Variants in NXT2 observed in about 807,000 individuals in gnomAD.
NXT2 encodes the protein NTF2-related export protein 2.
Under a neutral mutation model 9.6 loss-of-function variants are expected in NXT2, and 1 was observed. That is an observed-to-expected ratio of 0.10 (90% confidence interval 0.04 to 0.49). The LOEUF (loss-of-function observed/expected upper bound fraction) is 0.49. Among genes scored for constraint, NXT2 ranks in the 20% least tolerant of loss-of-function variants. NXT2 has a pLI of 0.95. For missense variants in NXT2, 48 were observed against 100.3 expected, an observed-to-expected ratio of 0.48 and a Z score of 2.23; for synonymous variants, 22 against 35.4, an observed-to-expected ratio of 0.62 and a Z score of 1.34.
chrX:109,544,201 TGTTTC>T lies in NXT2; in HGVS notation c.*1514_*1518del, dbSNP rs1177518461. 1 of 112,701 alleles carries T rather than the reference TGTTTC, an allele frequency of 8.9e-6. No homozygotes were observed. Among genetic ancestry groups the T allele is most frequent in the African/African-American group, 3.2e-5 (1 of 31,001 alleles). 9.3% of individuals were successfully genotyped at this position (112,701 alleles called of 1,213,427 possible). On this transcript the variant is annotated 3_prime_UTR_variant, in exon 4 of 4. Transcript: ENST00000372106. ...TTGTTTCTACATTGCAACCAAAAAC[TGTTTC>T]TTTTCACTTAATTATAAAACCAGTA...
chrX:109,537,257 G>A, intron 1 of NXT2: 2 of 1,004,798 alleles, frequency 2.0e-6, no homozygotes, highest in Non-Finnish European at 2.5e-6. Flanking sequence ...ATAGCGAGAG[G>A]CGGGGATGTT....
At chrX:109,541,794 T>C (rs1190934173) in intron 3 of NXT2, among the ~76,000 whole-genome samples, 175 bp downstream of exon 3, 1 of 112,439 alleles carries the variant, frequency 8.9e-6, no homozygotes, top group African/African-American at 3.2e-5. Flanking sequence ...TCAGATTCTT[T>C]CCACTAGTAG....
intron 2 of NXT2, 63 bp from the exon 3 acceptor site, chrX:109,541,412 T>C: frequency 9.9e-7 from 1 of 1,005,733 alleles, no homozygotes; most frequent in East Asian, 3.2e-5. Context: ...TTAATCCATT[T>C]CTATAAAATG....
chrX:109,538,482 A>G (rs1185562066), intron 2 of NXT2, among the ~76,000 whole-genome samples: 2 of 111,687 alleles, frequency 1.8e-5, no homozygotes, highest in Non-Finnish European at 3.8e-5. Flanking sequence ...TCCATCAATT[A>G]ACCAATATGG....
In NXT2 at chrX:109,539,966, G is replaced by T. The variant is rs185160107; in HGVS notation, c.103-1509G>T. Among the ~76,000 whole-genome samples the T allele has an allele frequency of 2.3e-3, 252 of 111,577 alleles. 1 individual carries two copies. Among genetic ancestry groups the T allele is most frequent in the African/African-American group, 7.9e-3 (241 of 30,699 alleles). ...ATTGCCTAGGTTTATGGTTTTGGGT[G>T]TTACGTTTAAGTGTTTAATCCATCT... On this transcript the variant is annotated intron_variant, in intron 2 of 3. Transcript: ENST00000372106.
chrX:109,537,946 C>T (rs1215618731), intron 1 of NXT2, 99 bp from the exon 2 acceptor site: 1 of 548,088 alleles, frequency 1.8e-6, no homozygotes, highest in Non-Finnish European at 3.2e-6. Context: ...TATAGAGCTA[C>T]ATAGTGGTTG....
intron 3 of NXT2, 71 bp downstream of exon 3, chrX:109,541,690 C>T (rs996792601): frequency 1.0e-5 from 9 of 867,411 alleles, no homozygotes; most frequent in Non-Finnish European, 1.4e-5. Context: ...ACACCAAAAG[C>T]AGCGAGAAAC....
intron 2 of NXT2, among the ~76,000 whole-genome samples, chrX:109,538,953 A>G (rs1933350593): frequency 1.8e-5 from 2 of 111,230 alleles, no homozygotes; most frequent in Non-Finnish European, 3.8e-5. Flanking sequence ...TACACGTGCC[A>G]AGGTGGTTTG....
At chrX:109,541,660 C>G in intron 3 of NXT2, 41 bp downstream of exon 3, 1 of 1,061,957 alleles carries the variant, frequency 9.4e-7, no homozygotes. Flanking sequence ...TTGTTTTCCT[C>G]TAGTAAGCAC....
rs750225832 is a variant in NXT2 at position 109,543,486 on chromosome X, G to A, written c.*798G>A. On this transcript the variant is annotated 3_prime_UTR_variant, in exon 4 of 4. Coordinates refer to ENST00000372106, the MANE Select transcript of NXT2 (RefSeq NM_001242617.2). The stretch of plus-strand genomic sequence containing the variant: ...AAGGCTGAAGCCAAAAGTAAGGAGG[G>A]TGGCCAAATGGTAAACTATTGGTAC... 11 of 111,747 alleles carry A rather than the reference G, an allele frequency of 9.8e-5. No individual in the cohort carries two copies. The highest frequency in any genetic ancestry group is 1.7e-4 in the Non-Finnish European group (9 of 52,922). 9.2% of individuals were successfully genotyped at this position (111,747 alleles called of 1,213,427 possible).
chrX:109,537,040 G>C lies in NXT2; in HGVS notation c.15+19G>C. 1.7e-6 allele frequency: 2 copies of C among 1,202,788 alleles called. No homozygotes were observed. Among genetic ancestry groups the C allele is most frequent in the Middle Eastern group, 4.7e-4 (2 of 4,235 alleles). On this transcript the variant is annotated intron_variant, in intron 1 of 3. Transcript: ENST00000372106. ...GTCTCTGGTGAGTGCCTGGGCCGTG[G>C]CAGGACGGCTGGGCGCCGGACTCCA...
At chrX:109,535,970 C>T (rs1171920002), upstream of NXT2, 4 of 1,191,612 alleles carry the variant, frequency 3.4e-6, no homozygotes, top group South Asian at 7.2e-5. Context: ...ACACACCAGC[C>T]ACTCAAGGTA....
At chrX:109,537,993 T>C in intron 1 of NXT2, 52 bp from the exon 2 acceptor site, 3 of 769,344 alleles carry the variant, frequency 3.9e-6, no homozygotes, top group South Asian at 4.4e-5. Flanking sequence ...GTTTTGTGTT[T>C]GTGAGGGGTT....
chrX:109,535,850 G>A, upstream of NXT2: 2 of 1,078,297 alleles, frequency 1.9e-6, no homozygotes, highest in Non-Finnish European at 2.5e-6. Context: ...ACCTTGAAGA[G>A]AAAAGAGCCA....
Position 109,536,999 on chromosome X carries a change from G to T in NXT2, c.-8G>T. 1 of 1,211,353 alleles carries T rather than the reference G, an allele frequency of 8.3e-7. No individual in the cohort carries two copies. The highest frequency in any genetic ancestry group is 1.1e-6 in the Non-Finnish European group (1 of 895,273). On this transcript the variant is annotated 5_prime_UTR_variant, in exon 1 of 4. It adds an upstream start codon to the 5' untranslated region. Coordinates refer to ENST00000372106, the MANE Select transcript of NXT2 (RefSeq NM_001242617.2). ...ACACTGCCAGAACACACTGCTACAA[G>T]GTCCCAGATGGCCACGTCTCTGGTG...
In NXT2 at chrX:109,542,676, G is replaced by T; in HGVS notation, c.417G>T (p.Trp139Cys). 1 of 1,178,702 alleles carries T rather than the reference G, an allele frequency of 8.5e-7. No homozygotes were observed. The highest frequency in any genetic ancestry group is 2.0e-5 in the South Asian group (1 of 50,544). The change falls in exon 4 of 4, where the codon TGG (tryptophan) becomes TGT (cysteine). Residue 139 changes from tryptophan (W) to cysteine (C), a missense_variant. Trp to Cys is a radical substitution (Grantham distance 215). Transcript: ENST00000372106. The stretch of plus-strand genomic sequence containing the variant: ...GTGATTGCTTCCGTTTTCAAGATTG[G>T]TCTAGTAGTTAAAGGGGCAAAAGTC... Reference protein sequence around the residue: ...IASDCFRFQDWSSS With the variant: ...IASDCFRFQDCSSS
chrX:109,536,840 C>T (rs1044099873), upstream of NXT2: 2 of 1,118,967 alleles, frequency 1.8e-6, no homozygotes, highest in Admixed American at 2.8e-5. Flanking sequence ...GTGCTTTTAA[C>T]GACGGACCGA....
At chrX:109,540,335 TA>T (rs770435591) in intron 2 of NXT2, among the ~76,000 whole-genome samples, 2 of 110,831 alleles carry the variant, frequency 1.8e-5, no homozygotes, top group South Asian at 3.8e-4. Context: ...TTTATTTATT[TA>T]TTTTTTTTTG....
chrX:109,537,559 C>CGTGTGTGTGTGTGTGT (rs111431650), intron 1 of NXT2: 1 of 119,859 alleles, frequency 8.3e-6, no homozygotes, highest in Non-Finnish European at 1.5e-5. Flanking sequence ...GAACTACTTT[C>CGTGTGTGTGTGTGTGT]GTGTGTGTGT....
Sources: allele counts gnomAD v4.1 joint callset (sites outside exome capture counted in the v4.1 genomes callset), GRCh38; gene constraint gnomAD v4.1.1; transcripts MANE v1.5; gene names NCBI Gene and HGNC (gene_info 2026-07-23, HGNC 2026-07-21).